CSMD1: variants seen among roughly 807,000 people sequenced by gnomAD.
CSMD1 encodes the protein CUB and sushi domain-containing protein 1.
In CSMD1, 213 loss-of-function variants were observed where a neutral mutation model predicts 417.5. That is an observed-to-expected ratio of 0.51 (90% CI 0.46 to 0.57). CSMD1 has a LOEUF of 0.57. CSMD1 is among the 20% of genes least tolerant of loss of function. The pLI is 0.00. For missense variants in CSMD1, 6,923 were observed against 4,529.7 expected, an observed-to-expected ratio of 1.53 and a Z score of -15.17; for synonymous variants, 2,862 against 1,736.8, an observed-to-expected ratio of 1.65 and a Z score of -16.11.
chr8:3,685,318 C>A (rs1249246710), intron 7 of CSMD1, among the ~76,000 whole-genome samples: 3 of 152,228 alleles, frequency 2.0e-5, no homozygotes, highest in Non-Finnish European at 4.4e-5. Flanking sequence ...GTCTTTCCCC[C>A]TGTAAAAATT....
At chr8:3,507,687 G>A (rs1016052303) in intron 10 of CSMD1, among the ~76,000 whole-genome samples, 1 of 152,156 alleles carries the variant, frequency 6.6e-6, no homozygotes, top group East Asian at 1.9e-4. Flanking sequence ...ACTTTTTAAT[G>A]ATTGCCATTC....
At chr8:3,484,152 G>A (rs913289350) in intron 11 of CSMD1, among the ~76,000 whole-genome samples, 1 of 152,186 alleles carries the variant, frequency 6.6e-6, no homozygotes, top group African/African-American at 2.4e-5. Flanking sequence ...GAACAATAAA[G>A]TGAGAAACAT....
In CSMD1 at chr8:3,219,388, G is replaced by A; in HGVS notation, c.4539C>T (p.Ser1513=). ...DFLHIYEGED[S]NSPLIGSYQG... ...GGTAACTCCCAATGAGGGGGCTGTT[G>A]GAATCTTCCCCTTCATAGATGTGTA... Residue 1513 remains serine, a synonymous_variant, in exon 29 of 70, where the codon TCC becomes TCT. Transcript: ENST00000635120. The A allele has an allele frequency of 6.4e-7, 1 of 1,564,992 alleles. No homozygotes were observed. The highest frequency in any genetic ancestry group is 8.7e-7 in the Non-Finnish European group (1 of 1,154,750).
chr8:3,056,420 T>A (rs141356467), intron 49 of CSMD1, among the ~76,000 whole-genome samples: 21 of 152,346 alleles, frequency 1.4e-4, no homozygotes, highest in African/African-American at 4.8e-4. Context: ...CAGGCTGCAG[T>A]GCAGTGGCAC....
intron 5 of CSMD1, among the ~76,000 whole-genome samples, chr8:3,855,920 G>T (rs145837981): frequency 2.0e-5 from 3 of 152,014 alleles, no homozygotes; most frequent in Non-Finnish European, 4.4e-5. Context: ...AAATCTGTAC[G>T]GGTGAGATAA....
chr8:3,271,748 A>G (rs1164531642), intron 26 of CSMD1, among the ~76,000 whole-genome samples: 1 of 151,964 alleles, frequency 6.6e-6, no homozygotes, highest in Non-Finnish European at 1.5e-5. Flanking sequence ...GTGTCTGTTC[A>G]TGTCCTTTGC....
At chr8:3,075,690 C>G (rs1382494825) in intron 49 of CSMD1, among the ~76,000 whole-genome samples, 2 of 151,596 alleles carry the variant, frequency 1.3e-5, no homozygotes, top group Non-Finnish European at 2.9e-5. Context: ...TTTTTTTGTC[C>G]CTTCCTTTTA....
At chr8:4,900,557 C>T (rs1029521246) in intron 1 of CSMD1, among the ~76,000 whole-genome samples, 1 of 152,176 alleles carries the variant, frequency 6.6e-6, no homozygotes. Context: ...GATGTGCATG[C>T]TTCTCCCAGT....
intron 5 of CSMD1, among the ~76,000 whole-genome samples, chr8:3,921,495 A>G (rs1809260258): frequency 6.6e-6 from 1 of 152,034 alleles, no homozygotes; most frequent in South Asian, 2.1e-4. Context: ...TTGCTTATAT[A>G]AAATACTTTT....
chr8:4,323,743 C>T (rs533658678), intron 3 of CSMD1, among the ~76,000 whole-genome samples: 1 of 131,770 alleles, frequency 7.6e-6, no homozygotes, highest in Non-Finnish European at 1.8e-5. Context: ...CACATCCGCT[C>T]ACTCAAATAT....
intron 1 of CSMD1, among the ~76,000 whole-genome samples, chr8:4,825,982 A>G (rs1799804651): frequency 6.6e-6 from 1 of 152,040 alleles, no homozygotes; most frequent in Non-Finnish European, 1.5e-5. Flanking sequence ...TTTTAAAAAA[A>G]GAACAAGTGT....
intron 37 of CSMD1, among the ~76,000 whole-genome samples, chr8:3,163,924 G>C (rs548210999): frequency 2.6e-5 from 4 of 152,182 alleles, no homozygotes; most frequent in African/African-American, 7.2e-5. Context: ...AGGTCGGTGT[G>C]TCCATGTATA....
chr8:4,391,158 G>A (rs562710779), intron 3 of CSMD1, among the ~76,000 whole-genome samples: 1 of 152,176 alleles, frequency 6.6e-6, no homozygotes, highest in African/African-American at 2.4e-5. Flanking sequence ...GCTCAGGCAA[G>A]TATGGCAAGA....
chr8:3,515,158 T>C (rs929565984), intron 10 of CSMD1: 1 of 152,188 alleles, frequency 6.6e-6, no homozygotes, highest in African/African-American at 2.4e-5. Flanking sequence ...GATCAAGAAG[T>C]AGTCATGAAA....
chr8:4,462,440 A>T (rs573732933), intron 2 of CSMD1, among the ~76,000 whole-genome samples: 1 of 152,284 alleles, frequency 6.6e-6, no homozygotes, highest in East Asian at 1.9e-4. Flanking sequence ...AGCAAATTTA[A>T]CATAATTCCT....
chr8:3,746,786 T>G (rs1396780497), intron 6 of CSMD1, among the ~76,000 whole-genome samples: 1 of 152,218 alleles, frequency 6.6e-6, no homozygotes, highest in Non-Finnish European at 1.5e-5. Context: ...CATTTATGAC[T>G]TTTTAATATA....
At chr8:4,658,440 G>A (rs1804378231) in intron 1 of CSMD1, among the ~76,000 whole-genome samples, 2 of 152,014 alleles carry the variant, frequency 1.3e-5, no homozygotes, top group Non-Finnish European at 2.9e-5. Flanking sequence ...AGAAGCAAGT[G>A]GCAGTATATT....
At chr8:3,989,519 G>A (rs1303629655) in intron 5 of CSMD1, among the ~76,000 whole-genome samples, 1 of 152,152 alleles carries the variant, frequency 6.6e-6, no homozygotes, top group Non-Finnish European at 1.5e-5. Context: ...ACTCCACAGG[G>A]TAGGATAAAG....
chr8:4,225,519 T>A (rs1377731806), intron 3 of CSMD1, among the ~76,000 whole-genome samples: 32 of 143,404 alleles, frequency 2.2e-4, no homozygotes, highest in South Asian at 2.2e-3. Context: ...TTTTTTTTTT[T>A]ATTCCTTTTT....
Sources: gnomAD v4.1 joint callset for allele counts (sites outside exome capture counted in the v4.1 genomes callset) on GRCh38, gnomAD v4.1.1 for gene constraint, MANE v1.5 for transcripts, NCBI Gene and HGNC (gene_info 2026-07-23, HGNC 2026-07-21) for gene names.